The following FZD3 variants were observed in gnomAD, a reference collection of about 807,000 sequenced individuals.
The protein encoded by FZD3 is frizzled class receptor 3, also known as frizzled-3.
Under a neutral mutation model 60.7 loss-of-function variants are expected in FZD3, and 30 were observed. The observed-to-expected ratio is 0.49, with a 90% CI of 0.37 to 0.67. The LOEUF is 0.67. FZD3 is among the 30% of genes least tolerant of loss of function. FZD3 has a pLI of 0.00. For missense variants in FZD3, 605 were observed against 838.7 expected (o/e 0.72, Z 3.44); for synonymous variants, 246 against 275.2 (o/e 0.89, Z 1.05).
intron 6 of FZD3, among the ~76,000 whole-genome samples, chr8:28,554,635 T>C (rs1490161191): frequency 2.0e-5 from 3 of 152,074 alleles, no homozygotes; most frequent in East Asian, 1.9e-4. Context: ...TTAATAGATA[T>C]CCAATATTCC....
At chr8:28,558,662 C>T (rs1458512911) in intron 7 of FZD3, among the ~76,000 whole-genome samples, 1 of 152,124 alleles carries the variant, frequency 6.6e-6, no homozygotes, top group Non-Finnish European at 1.5e-5. Flanking sequence ...GAACTCCTGG[C>T]GTCAAGTGAT....
intron 5 of FZD3, among the ~76,000 whole-genome samples, chr8:28,545,379 A>G (rs1431764017): frequency 6.6e-6 from 1 of 152,202 alleles, no homozygotes; most frequent in East Asian, 1.9e-4. Flanking sequence ...TCTAGTAAGA[A>G]GTCAGACTAT....
intron 1 of FZD3, among the ~76,000 whole-genome samples, chr8:28,496,958 G>A (rs1486630480): frequency 1.3e-5 from 2 of 152,186 alleles, no homozygotes; most frequent in African/African-American, 4.8e-5. Context: ...AGATTTAAGA[G>A]AAGCTGGGCT....
Position 28,565,851 on chromosome 8 carries a change from TTTGA to T in FZD3, c.*2844_*2847del, listed in dbSNP as rs1387572086. 2 of 152,166 alleles carry T rather than the reference TTTGA, an allele frequency of 1.3e-5. No individual in the cohort carries two copies. The highest frequency in any genetic ancestry group is 6.5e-5 in the Admixed American group (1 of 15,282). 9.4% of individuals were successfully genotyped at this position (152,166 alleles called of 1,614,324 possible). On this transcript the variant is annotated 3_prime_UTR_variant, in exon 8 of 8. Coordinates refer to ENST00000240093, the MANE Select transcript of FZD3 (RefSeq NM_017412.4). ...ACAGTTTTCCTACCATATGTTTAAC[TTTGA>T]TTGGCATATGATAATGTTTAGTGTT...
At chr8:28,556,063 C>T (rs192972298) in intron 7 of FZD3, 92 bp downstream of exon 7, 4 of 825,508 alleles carry the variant, frequency 4.8e-6, no homozygotes, top group Non-Finnish European at 5.9e-6. Flanking sequence ...AAATAGAAGT[C>T]GAACATAATT....
chr8:28,573,209 C>T lies in FZD3; in HGVS notation c.*10198C>T, dbSNP rs1220569752. The T allele has an allele frequency of 2.0e-5, 3 of 152,062 alleles. No individual in the cohort carries two copies. The highest frequency in any genetic ancestry group is 4.4e-5 in the Non-Finnish European group (3 of 67,996). The allele number at this position is 152,062 out of a possible 1,614,324, so 9.4% of individuals were successfully genotyped here. A position where few individuals can be genotyped will look rare whatever the true frequency, so the allele number is the denominator to read the frequency against. On this transcript the variant is annotated 3_prime_UTR_variant, in exon 8 of 8. Transcript: ENST00000240093. ...CTTATCAATACTTCCAAAATATAAC[C>T]TATCTCAAGTGTTAGAAATTTGCTT... is the stretch of plus-strand genomic sequence containing the variant.
At chr8:28,513,808 G>C (rs528421397) in intron 3 of FZD3, among the ~76,000 whole-genome samples, 8 of 152,290 alleles carry the variant, frequency 5.3e-5, no homozygotes, top group Non-Finnish European at 2.9e-5. Flanking sequence ...ATGGTTACCA[G>C]ACCCTTTGTA....
chr8:28,543,116 G>C lies in FZD3; in HGVS notation c.1405-8487G>C, dbSNP rs77637008. ...TTATGTCACGTTGCTCAGGCCAGTG[G>C]TCTTCACATCACACAATTGTTCTAA... On this transcript the variant is annotated intron_variant, in intron 5 of 7. Coordinates refer to ENST00000240093, the MANE Select transcript of FZD3 (RefSeq NM_017412.4). Among the ~76,000 whole-genome samples the C allele has an allele frequency of 4.7e-3, 716 of 152,276 alleles. 26 individuals carry two copies. In the East Asian group the frequency reaches 0.091, roughly 19 times the overall value.
chr8:28,518,143 C>T (rs929954608), intron 3 of FZD3, among the ~76,000 whole-genome samples: 1 of 151,840 alleles, frequency 6.6e-6, no homozygotes, highest in Non-Finnish European at 1.5e-5. Flanking sequence ...ACTGCAGCCT[C>T]GAACTCCTGG....
chr8:28,555,780 T>G lies in FZD3; in HGVS notation c.1596T>G (p.Phe532Leu). The G allele has an allele frequency of 6.2e-7, 1 of 1,613,718 alleles. No individual in the cohort carries two copies. Among genetic ancestry groups the G allele is most frequent in the East Asian group, 2.2e-5 (1 of 44,884 alleles). ...ESRQVLQEPD[F>L]AQSLLRDPNT... Reference sequence around the variant, plus strand: ...GACAGGTACTCCAGGAACCTGATTTTGCTCAGTCTCTCCTGAGGGATCCAA... The same window carrying G: ...GACAGGTACTCCAGGAACCTGATTTGGCTCAGTCTCTCCTGAGGGATCCAA... The change falls in exon 7 of 8, where the codon TTT (phenylalanine) becomes TTG (leucine). Residue 532 changes from phenylalanine (F) to leucine (L), a missense_variant. By Grantham distance (22) the Phe-to-Leu change is conservative. Coordinates refer to ENST00000240093, the MANE Select transcript of FZD3 (RefSeq NM_017412.4).
At chr8:28,506,392 T>A (rs374761787) in intron 3 of FZD3, among the ~76,000 whole-genome samples, 1 of 152,196 alleles carries the variant, frequency 6.6e-6, no homozygotes, top group Non-Finnish European at 1.5e-5. Flanking sequence ...ATTGTTAAGA[T>A]CAAGTGAGAT....
At position 28,527,319 on chromosome 8, in the gene FZD3, C is replaced by T. The variant is rs900975619; in HGVS notation, c.559C>T (p.Pro187Ser). The T allele has an allele frequency of 6.2e-7, 1 of 1,614,004 alleles. No homozygotes were observed. The highest frequency in any genetic ancestry group is 1.1e-5 in the South Asian group (1 of 91,068). The change falls in exon 5 of 8, where the codon CCT becomes TCT. Residue 187 changes from proline (P) to serine (S), a missense_variant. Pro to Ser is a moderately conservative substitution (Grantham distance 74). Coordinates refer to ENST00000240093, the MANE Select transcript of FZD3 (RefSeq NM_017412.4). This position sits in a 1 kb window ranked among gnomAD's most constrained non-coding sequence, Gnocchi z 5.0. ...TTTTCTGCATGTGCGTGATTGTTCACCTCCTTGTCCAAATATGTACTTCAG... is the reference window on the plus strand; with the variant it reads ...TTTTCTGCATGTGCGTGATTGTTCATCTCCTTGTCCAAATATGTACTTCAG... ...YSFLHVRDCS[P>S]PCPNMYFRRE...
intron 5 of FZD3, among the ~76,000 whole-genome samples, chr8:28,532,660 C>T (rs1369974710): frequency 2.0e-5 from 3 of 151,926 alleles, no homozygotes; most frequent in Non-Finnish European, 4.4e-5. Flanking sequence ...GTGATCCTTC[C>T]ACCTTGGCTT....
chr8:28,557,224 A>AG (rs1554540356), intron 7 of FZD3, among the ~76,000 whole-genome samples: 92 of 133,926 alleles, frequency 6.9e-4, no homozygotes, highest in Middle Eastern at 3.9e-3. Context: ...AAAAAAAAAA[A>AG]AAGAAGAAGA....
At chr8:28,533,807 A>G (rs911061972) in intron 5 of FZD3, among the ~76,000 whole-genome samples, 2 of 152,102 alleles carry the variant, frequency 1.3e-5, no homozygotes, top group Non-Finnish European at 2.9e-5. Context: ...TCTCTTTAGC[A>G]TAATAATTCA....
At chr8:28,516,123 G>C (rs185448828) in intron 3 of FZD3, among the ~76,000 whole-genome samples, 1 of 152,120 alleles carries the variant, frequency 6.6e-6, no homozygotes, top group Admixed American at 6.5e-5. Flanking sequence ...TTTGCATATG[G>C]ATTTTCTCTT....
chr8:28,518,783 C>T (rs959000181), intron 3 of FZD3, among the ~76,000 whole-genome samples: 2 of 152,202 alleles, frequency 1.3e-5, no homozygotes, highest in African/African-American at 4.8e-5. Context: ...CTAGGCAAAG[C>T]TTGATTCCTA....
chr8:28,519,042 TATCA>T (rs1369447658), intron 3 of FZD3, among the ~76,000 whole-genome samples: 1 of 152,238 alleles, frequency 6.6e-6, no homozygotes, highest in African/African-American at 2.4e-5. Flanking sequence ...TATTGTTATA[TATCA>T]GTTATTATAT....
chr8:28,517,535 G>C (rs1804460782), intron 3 of FZD3, among the ~76,000 whole-genome samples: 1 of 151,922 alleles, frequency 6.6e-6, no homozygotes, highest in Non-Finnish European at 1.5e-5. Context: ...CGTTCTTACT[G>C]ATCTGTCCTT....
Sources: allele counts gnomAD v4.1 joint callset (sites outside exome capture counted in the v4.1 genomes callset), GRCh38; gene constraint gnomAD v4.1.1; non-coding constraint Gnocchi (gnomAD v3.1); transcripts MANE v1.5; gene names NCBI Gene and HGNC (gene_info 2026-07-23, HGNC 2026-07-21).